SMYD2: variants seen among roughly 807,000 people sequenced by gnomAD.
SMYD2 encodes SET and MYND domain containing 2, also known as N-lysine methyltransferase SMYD2.
In SMYD2, 53 loss-of-function variants were observed where a neutral mutation model predicts 59.1. That is an observed-to-expected ratio of 0.90 (90% confidence interval 0.72 to 1.13). The LOEUF is 1.13. Ranked by LOEUF, SMYD2 falls within the 50% of genes most tolerant of loss-of-function variation. The pLI, the probability that SMYD2 is intolerant of heterozygous loss-of-function variation, is 0.00. For missense variants in SMYD2, 494 were observed against 544.7 expected (o/e 0.91, Z 0.93); for synonymous variants, 208 against 198.8 (o/e 1.05, Z -0.39).
intron 1 of SMYD2, among the ~76,000 whole-genome samples, chr1:214,281,897 A>G (rs954121528): frequency 1.1e-4 from 16 of 152,220 alleles, no homozygotes; most frequent in Admixed American, 3.9e-4. Flanking sequence ...CGTTTCTTCC[A>G]AGGAATTTAA....
intron 1 of SMYD2, among the ~76,000 whole-genome samples, chr1:214,282,152 G>T (rs1656461662): frequency 6.6e-6 from 1 of 152,142 alleles, no homozygotes; most frequent in African/African-American, 2.4e-5. Flanking sequence ...GTCTGTGTTT[G>T]TATATATGAT....
chr1:214,324,549 A>T, intron 5 of SMYD2, 92 bp from the exon 6 acceptor site: 1 of 1,123,520 alleles, frequency 8.9e-7, no homozygotes. Flanking sequence ...ACATCTTCCT[A>T]ATTTGTTAAA....
chr1:214,314,829 C>G lies in SMYD2; in HGVS notation c.305C>G (p.Pro102Arg). Residue 102 changes from proline to arginine, a missense_variant, in exon 3 of 12, where the codon CCC becomes CGC. Pro to Arg is a moderately radical substitution (Grantham distance 103). Transcript: ENST00000366957. ...GTTGTTTTTGGGGAAAACTGGAATCCCTCGGAGACTGTAAGACTAACAGCA... is the reference window on the plus strand; with the variant it reads ...GTTGTTTTTGGGGAAAACTGGAATCGCTCGGAGACTGTAAGACTAACAGCA... ...PMVVFGENWN[P>R]SETVRLTARI... The G allele has an allele frequency of 3.1e-6, 5 of 1,614,038 alleles. No homozygotes were observed. The highest frequency in any genetic ancestry group is 4.2e-6 in the Non-Finnish European group (5 of 1,179,972).
intron 1 of SMYD2, among the ~76,000 whole-genome samples, chr1:214,302,586 T>C (rs1355749455): frequency 1.3e-5 from 2 of 152,200 alleles, no homozygotes; most frequent in Non-Finnish European, 2.9e-5. Context: ...AAATGACATA[T>C]CATATTGCCA....
intron 1 of SMYD2, among the ~76,000 whole-genome samples, chr1:214,283,426 A>G (rs547649550): frequency 2.0e-5 from 3 of 152,348 alleles, no homozygotes; most frequent in Admixed American, 2.0e-4. Flanking sequence ...CCTTATGTCA[A>G]TACCCGTAGT....
chr1:214,306,458 G>A (rs991674562), intron 2 of SMYD2, among the ~76,000 whole-genome samples: 1 of 152,150 alleles, frequency 6.6e-6, no homozygotes, highest in Admixed American at 6.5e-5. Flanking sequence ...CTCTGCCTTA[G>A]CTCTGAAGAC....
intron 1 of SMYD2, among the ~76,000 whole-genome samples, chr1:214,290,113 T>C (rs1307643297): frequency 6.6e-6 from 1 of 152,158 alleles, no homozygotes; most frequent in African/African-American, 2.4e-5. Flanking sequence ...TCCTATTCAA[T>C]TGCAAAGGCG....
At chr1:214,307,559 G>T (rs894554855) in intron 2 of SMYD2, among the ~76,000 whole-genome samples, 2 of 152,202 alleles carry the variant, frequency 1.3e-5, no homozygotes, top group Non-Finnish European at 2.9e-5. Flanking sequence ...CCTTTAAGTA[G>T]CTGTGAACAG....
intron 9 of SMYD2, chr1:214,331,299 C>T (rs968147835): frequency 4.7e-5 from 25 of 527,322 alleles, no homozygotes; most frequent in Non-Finnish European, 6.4e-5. Flanking sequence ...GCTGGGAGCC[C>T]CATGTGGTGG....
chr1:214,286,142 A>G (rs545695964), intron 1 of SMYD2, among the ~76,000 whole-genome samples: 1 of 152,264 alleles, frequency 6.6e-6, no homozygotes, highest in African/African-American at 2.4e-5. Flanking sequence ...TAGGCCAGTT[A>G]TCACTTAACC....
At chr1:214,310,624 T>A (rs960863065) in intron 2 of SMYD2, among the ~76,000 whole-genome samples, 1 of 150,136 alleles carries the variant, frequency 6.7e-6, no homozygotes, top group Non-Finnish European at 1.5e-5. Context: ...TTTAGAAAAA[T>A]TGATAACATT....
At position 214,312,700 on chromosome 1, in the gene SMYD2, T is replaced by C. The variant is rs1423953000; in HGVS notation, c.238-2062T>C. 1.3e-5 allele frequency among the ~76,000 whole-genome samples: 2 copies of C among 152,178 alleles called. No individual in the cohort carries two copies. The highest frequency in any genetic ancestry group is 2.9e-5 in the Non-Finnish European group (2 of 68,032). On this transcript the variant is annotated intron_variant, in intron 2 of 11. Coordinates refer to ENST00000366957, the MANE Select transcript of SMYD2 (RefSeq NM_020197.3). The surrounding 1 kb of genome is among the most constrained non-coding windows in gnomAD (Gnocchi z 4.1). ...GGCGCAGCCAGGACACTTCTGTGGC[T>C]AAGTGCAGTGAGGCAGGTGAGAGTA...
chr1:214,283,514 T>C (rs1656481465), intron 1 of SMYD2, among the ~76,000 whole-genome samples: 1 of 152,248 alleles, frequency 6.6e-6, no homozygotes, highest in Non-Finnish European at 1.5e-5. Flanking sequence ...ATGATACTTA[T>C]GCAATTAGAA....
intron 5 of SMYD2, among the ~76,000 whole-genome samples, chr1:214,323,990 C>T (rs904250454): frequency 7.2e-5 from 11 of 152,110 alleles, no homozygotes; most frequent in South Asian, 2.1e-4. Context: ...TGCAATGGCA[C>T]AATCTTGGCT....
At chr1:214,313,527 G>T (rs1187756526) in intron 2 of SMYD2, among the ~76,000 whole-genome samples, 3 of 147,818 alleles carry the variant, frequency 2.0e-5, no homozygotes, top group African/African-American at 7.5e-5. Flanking sequence ...AAAAAAAAAA[G>T]TCCCCCGCAA....
chr1:214,305,106 G>C, intron 1 of SMYD2, 81 bp from the exon 2 acceptor site: 4 of 1,332,278 alleles, frequency 3.0e-6, no homozygotes, highest in Non-Finnish European at 3.2e-6. Flanking sequence ...CCAACCAAGT[G>C]GCTTTTGTTG....
chr1:214,287,197 ATAT>A (rs1238132648), intron 1 of SMYD2, among the ~76,000 whole-genome samples: 1 of 152,080 alleles, frequency 6.6e-6, no homozygotes, highest in Non-Finnish European at 1.5e-5. Context: ...GTGTGATAAA[ATAT>A]TATAATTTTA....
intron 1 of SMYD2, among the ~76,000 whole-genome samples, chr1:214,303,712 CT>C (rs1321815295): frequency 6.6e-6 from 1 of 152,226 alleles, no homozygotes; most frequent in Non-Finnish European, 1.5e-5. Flanking sequence ...GTGACTACCA[CT>C]TGCTGACGAG....
rs565753988 is a variant in SMYD2, at chr1:214,331,538, T to C, written c.937+468T>C. 1.3e-4 allele frequency: 24 copies of C among 179,122 alleles called. No individual in the cohort carries two copies. In the South Asian group the frequency reaches 3.0e-3, roughly 22 times the overall value. 11.1% of individuals were successfully genotyped at this position (179,122 alleles called of 1,614,324 possible). A position where few individuals can be genotyped will look rare whatever the true frequency, so the allele number is the denominator to read the frequency against. On this transcript the variant is annotated intron_variant, in intron 9 of 11. Transcript: ENST00000366957. ...AGGATCTAGGATTTTGTCCCAGCTC[T>C]ATCAGAATCCATATTCTTAACCATT...
Sources: allele counts gnomAD v4.1 joint callset (sites outside exome capture counted in the v4.1 genomes callset), GRCh38; gene constraint gnomAD v4.1.1; non-coding constraint Gnocchi (gnomAD v3.1); transcripts MANE v1.5; gene names NCBI Gene and HGNC (gene_info 2026-07-23, HGNC 2026-07-21).